TBCK: variants seen among roughly 807,000 people sequenced by gnomAD.
The protein encoded by TBCK is TBC domain-containing protein kinase-like protein.
A neutral mutation model predicts 113.4 loss-of-function variants in TBCK; 99 were observed. That is an observed-to-expected ratio of 0.87 (90% confidence interval 0.74 to 1.03). The LOEUF (loss-of-function observed/expected upper bound fraction) is 1.03, where lower values mean the gene tolerates loss of function less well. TBCK is among the 50% of genes least tolerant of loss of function. The probability of loss-of-function intolerance (pLI) is 0.00; values close to 1 mark genes in which losing one functional copy is unlikely to be tolerated. For missense variants in TBCK, 1,045 were observed against 1,061.3 expected, an observed-to-expected ratio of 0.98 and a Z score of 0.21; for synonymous variants, 369 against 370.8, an observed-to-expected ratio of 1.00 and a Z score of 0.05.
intron 22 of TBCK, among the ~76,000 whole-genome samples, chr4:106,188,221 T>C (rs1753257562): frequency 6.6e-6 from 1 of 152,186 alleles, no homozygotes; most frequent in South Asian, 2.1e-4. Context: ...TCAAGGTATA[T>C]TCTTTTGATG....
intron 25 of TBCK, among the ~76,000 whole-genome samples, chr4:106,057,940 T>C (rs886554327): frequency 7.2e-5 from 11 of 151,788 alleles, no homozygotes; most frequent in Non-Finnish European, 1.5e-5. Flanking sequence ...AGGCATTCAC[T>C]GTTCATTGTC....
At chr4:106,284,797 C>G (rs2125801926) in intron 3 of TBCK, among the ~76,000 whole-genome samples, 1 of 152,114 alleles carries the variant, frequency 6.6e-6, no homozygotes, top group East Asian at 1.9e-4. Context: ...CTCATGCCTG[C>G]TTTGATAGCA....
intron 20 of TBCK, among the ~76,000 whole-genome samples, chr4:106,204,005 A>G (rs912172210): frequency 6.6e-6 from 1 of 152,178 alleles, no homozygotes; most frequent in African/African-American, 2.4e-5. Context: ...TAGCAAAATA[A>G]TATATCCATT....
At chr4:106,296,837 A>G (rs1340282678) in intron 2 of TBCK, among the ~76,000 whole-genome samples, 1 of 152,026 alleles carries the variant, frequency 6.6e-6, no homozygotes, top group African/African-American at 2.4e-5. Context: ...ACACTTAATG[A>G]GAAAAAAAGA....
intron 23 of TBCK, among the ~76,000 whole-genome samples, chr4:106,157,301 C>A (rs1297623443): frequency 1.3e-5 from 2 of 152,100 alleles, no homozygotes; most frequent in Non-Finnish European, 2.9e-5. Context: ...TGCTGTGCAG[C>A]CTGGGTTTGG....
chr4:106,124,188 A>T (rs1026569849), intron 23 of TBCK, among the ~76,000 whole-genome samples: 7 of 152,378 alleles, frequency 4.6e-5, no homozygotes, highest in African/African-American at 1.7e-4. Context: ...CAAGTGGGCG[A>T]AGGACATGAA....
intron 25 of TBCK, among the ~76,000 whole-genome samples, chr4:106,093,880 T>C (rs1416012500): frequency 6.6e-6 from 1 of 151,626 alleles, no homozygotes; most frequent in Non-Finnish European, 1.5e-5. Context: ...ACACCAAGAG[T>C]GAGCCCTGAT....
chr4:106,113,091 G>T (rs1396242302), intron 24 of TBCK, among the ~76,000 whole-genome samples: 1 of 152,200 alleles, frequency 6.6e-6, no homozygotes, highest in East Asian at 1.9e-4. Context: ...TTCCTGGAGA[G>T]TCCACCCGAT....
intron 2 of TBCK, among the ~76,000 whole-genome samples, chr4:106,304,534 G>C (rs1163833973): frequency 6.6e-6 from 1 of 152,082 alleles, no homozygotes; most frequent in African/African-American, 2.4e-5. Context: ...AAAATAATTT[G>C]AAGCAGTTAG....
At position 106,251,882 on chromosome 4, in the gene TBCK, A is replaced by G; in HGVS notation, c.581T>C (p.Leu194Ser). The G allele has an allele frequency of 6.2e-7, 1 of 1,603,262 alleles. No individual in the cohort carries two copies. The highest frequency in any genetic ancestry group is 8.5e-7 in the Non-Finnish European group (1 of 1,174,620). ...KSDVWSLGII[L>S]FELCVGRKLF... ...TATACATACCACACAAAGCTCAAAT[A>G]AAATGATTCCAAGAGACCATACATC... is the stretch of plus-strand genomic sequence containing the variant. The change falls in exon 6 of 26, where the codon TTA becomes TCA. Residue 194 changes from leucine (L) to serine (S), a missense_variant. Physicochemically the swap from Leu to Ser is moderately radical, Grantham distance 145. Transcript: ENST00000394708.
intron 25 of TBCK, among the ~76,000 whole-genome samples, chr4:106,051,326 G>C (rs146754046): frequency 1.0e-3 from 154 of 151,992 alleles, no homozygotes; most frequent in Non-Finnish European, 2.0e-3. Context: ...ATACGAGTTT[G>C]AAGTTGATAC....
intron 25 of TBCK, among the ~76,000 whole-genome samples, chr4:106,069,472 T>G (rs549850548): frequency 6.6e-6 from 1 of 152,332 alleles, no homozygotes; most frequent in African/African-American, 2.4e-5. Flanking sequence ...TGGTGTTATT[T>G]CTGAGGCCTC....
chr4:106,219,317 G>A (rs899847568), intron 19 of TBCK, among the ~76,000 whole-genome samples: 59 of 151,072 alleles, frequency 3.9e-4, no homozygotes, highest in African/African-American at 1.3e-3. Flanking sequence ...ACATGTATAC[G>A]TATGTAACTA....
At chr4:106,118,336 T>C (rs1743806460) in intron 23 of TBCK, among the ~76,000 whole-genome samples, 1 of 152,234 alleles carries the variant, frequency 6.6e-6, no homozygotes, top group African/African-American at 2.4e-5. Flanking sequence ...TTTTCAGTGG[T>C]AAAGCACTTG....
chr4:106,095,109 T>C (rs772408478), intron 25 of TBCK, among the ~76,000 whole-genome samples: 1 of 152,212 alleles, frequency 6.6e-6, no homozygotes, highest in Non-Finnish European at 1.5e-5. Flanking sequence ...TTTGAGTCTC[T>C]AGTAAACACA....
chr4:106,198,093 A>T (rs545521024), intron 20 of TBCK, among the ~76,000 whole-genome samples: 19 of 152,246 alleles, frequency 1.2e-4, no homozygotes, highest in African/African-American at 3.6e-4. Context: ...GTACTCATGC[A>T]TTTAAGGCCA....
intron 22 of TBCK, among the ~76,000 whole-genome samples, chr4:106,183,174 T>C (rs79195311): frequency 0.026 from 3,984 of 152,156 alleles, 179 homozygotes; most frequent in African/African-American, 0.091. Flanking sequence ...CTTAGAATCA[T>C]AGCATTTCAG....
intron 7 of TBCK, among the ~76,000 whole-genome samples, chr4:106,249,253 C>T (rs947763707): frequency 1.3e-5 from 2 of 152,156 alleles, no homozygotes; most frequent in Admixed American, 6.6e-5. Flanking sequence ...TAAAGATACT[C>T]TAGCTCTCTC....
chr4:106,085,867 A>T (rs1739431972), intron 25 of TBCK, among the ~76,000 whole-genome samples: 1 of 152,218 alleles, frequency 6.6e-6, no homozygotes, highest in Non-Finnish European at 1.5e-5. Flanking sequence ...TAAATAACAA[A>T]ATTAAGGCAG....
Sources: allele counts gnomAD v4.1 joint callset (sites outside exome capture counted in the v4.1 genomes callset), GRCh38; gene constraint gnomAD v4.1.1; transcripts MANE v1.5; gene names NCBI Gene and HGNC (gene_info 2026-07-23, HGNC 2026-07-21).